The following PRKAA2 variants were observed in gnomAD, a reference collection of about 807,000 sequenced individuals.
PRKAA2 encodes protein kinase AMP-activated catalytic subunit alpha 2.
PRKAA2 carries 40 observed loss-of-function variants against 56.3 expected under a neutral mutation model. That is an observed-to-expected ratio of 0.71 (90% confidence interval 0.55 to 0.92). The LOEUF (loss-of-function observed/expected upper bound fraction) is 0.92. Among genes scored for constraint, PRKAA2 ranks in the 40% least tolerant of loss-of-function variants. The pLI, the probability that PRKAA2 is intolerant of heterozygous loss-of-function variation, is 0.00. For synonymous variants in PRKAA2, 214 were observed against 234.2 expected (o/e 0.91, Z 0.79); for missense variants, 542 against 686.9 (o/e 0.79, Z 2.36).
intron 1 of PRKAA2, among the ~76,000 whole-genome samples, chr1:56,648,538 CAT>C (rs1646662599): frequency 6.6e-6 from 1 of 152,132 alleles, no homozygotes; most frequent in South Asian, 2.1e-4. Context: ...TTTGTGTGGA[CAT>C]ATGTTTTCAT....
chr1:56,697,144 G>A (rs1644264043), intron 6 of PRKAA2, among the ~76,000 whole-genome samples: 2 of 150,518 alleles, frequency 1.3e-5, no homozygotes, highest in Admixed American at 6.7e-5. Context: ...CTCCTGAGTA[G>A]CTGGGACTAT....
At chr1:56,706,778 C>A (rs2100440406) in intron 8 of PRKAA2, among the ~76,000 whole-genome samples, 1 of 152,244 alleles carries the variant, frequency 6.6e-6, no homozygotes, top group East Asian at 1.9e-4. Context: ...TTCAGAGGCC[C>A]AAGTGGGATA....
At chr1:56,664,402 G>A (rs1256517160) in intron 1 of PRKAA2, among the ~76,000 whole-genome samples, 2 of 151,864 alleles carry the variant, frequency 1.3e-5, no homozygotes, top group African/African-American at 4.8e-5. Context: ...TCCATGCATA[G>A]TTTTTTCATA....
Position 56,704,246 on chromosome 1 carries a change from G to A in PRKAA2, c.1064G>A (p.Ser355Asn), listed in dbSNP as rs565908999. 6 of 1,614,106 alleles carry A rather than the reference G, an allele frequency of 3.7e-6. No individual in the cohort carries two copies. The highest frequency in any genetic ancestry group is 2.2e-5 in the East Asian group (1 of 44,874). ...CCATCTGGTTCTTTTATGGATGATA[G>A]TGCCATGCATATTCCCCCAGGCCTG... Reference protein sequence around the residue: ...SPPSGSFMDDSAMHIPPGLKP... With the variant: ...SPPSGSFMDDNAMHIPPGLKP... Residue 355 changes from serine to asparagine, a missense_variant, in exon 7 of 9, where the codon AGT becomes AAT. By Grantham distance (46) the Ser-to-Asn change is conservative (BLOSUM62 1). Around this residue, in one of 5 missense-constraint regions of PRKAA2, gnomAD observed 198 missense variants for 234.0 expected, o/e 0.85. Coordinates refer to ENST00000371244, the MANE Select transcript of PRKAA2 (RefSeq NM_006252.4).
At chr1:56,705,600 AT>A (rs1644326392) in intron 7 of PRKAA2, among the ~76,000 whole-genome samples, 1 of 151,694 alleles carries the variant, frequency 6.6e-6, no homozygotes, top group Non-Finnish European at 1.5e-5. Context: ...GGGTTTCACC[AT>A]GTTGCCCAGG....
intron 1 of PRKAA2, among the ~76,000 whole-genome samples, chr1:56,654,872 TA>T (rs768483310): frequency 1.6e-4 from 24 of 152,248 alleles, no homozygotes; most frequent in Non-Finnish European, 2.4e-4. Context: ...AAAATATTCA[TA>T]ATTCTCTTTT....
At chr1:56,649,818 G>A (rs115626353) in intron 1 of PRKAA2, among the ~76,000 whole-genome samples, 2,394 of 152,266 alleles carry the variant, frequency 0.016, 34 homozygotes, top group Non-Finnish European at 0.023. Context: ...TTTTAGGCCA[G>A]GCACGGCGGC....
rs560153903 is a variant in PRKAA2 at position 56,649,646 on chromosome 1, T to A, written c.94+4165T>A. ...CTCTCTTGACTTTTTTCCTTTTTCT[T>A]ATTTGTTTATTAATTAGTTTTTTTT... On this transcript the variant is annotated intron_variant, in intron 1 of 8. Coordinates refer to ENST00000371244, the MANE Select transcript of PRKAA2 (RefSeq NM_006252.4). Among the ~76,000 whole-genome samples, 3 of 152,324 alleles carry A rather than the reference T, an allele frequency of 2.0e-5. No individual in the cohort carries two copies. The South Asian group carries it at 6.2e-4, about 32-fold the overall frequency.
At chr1:56,684,236 G>C (rs1557554939) in intron 2 of PRKAA2, among the ~76,000 whole-genome samples, 1 of 152,186 alleles carries the variant, frequency 6.6e-6, no homozygotes, top group East Asian at 1.9e-4. Context: ...ACAGGTTTGA[G>C]GTGGGATGTT....
Position 56,709,197 on chromosome 1 carries a change from C to G in PRKAA2, c.*1484C>G, listed in dbSNP as rs764839931. ...ATTACCTTGACAGGCTTCTCTTTGC[C>G]AAAAGTAATGTATGTTCTGCCAAGA... On this transcript the variant is annotated 3_prime_UTR_variant, in exon 9 of 9. Coordinates refer to ENST00000371244, the MANE Select transcript of PRKAA2 (RefSeq NM_006252.4). 2.0e-5 allele frequency: 3 copies of G among 152,014 alleles called. No individual in the cohort carries two copies. Among genetic ancestry groups the G allele is most frequent in the African/African-American group, 7.2e-5 (3 of 41,398 alleles). 9.4% of individuals were successfully genotyped at this position (152,014 alleles called of 1,614,324 possible). A position where few individuals can be genotyped will look rare whatever the true frequency, so the allele number is the denominator to read the frequency against.
chr1:56,646,343 G>C (rs1305989914), intron 1 of PRKAA2, among the ~76,000 whole-genome samples: 3 of 152,148 alleles, frequency 2.0e-5, no homozygotes, highest in African/African-American at 7.2e-5. Context: ...AAGTTTCCTT[G>C]GTGTTTGGAG....
chr1:56,683,875 T>G (rs1644173142), intron 2 of PRKAA2, among the ~76,000 whole-genome samples: 2 of 152,128 alleles, frequency 1.3e-5, no homozygotes. Flanking sequence ...CTTTGGCTTT[T>G]ACTCTTGTCT....
At chr1:56,700,520 C>G (rs1309694854) in intron 6 of PRKAA2, among the ~76,000 whole-genome samples, 1 of 152,186 alleles carries the variant, frequency 6.6e-6, no homozygotes, top group Non-Finnish European at 1.5e-5. Context: ...AAAGACCCCT[C>G]TGGAAATTGT....
chr1:56,715,288 C>CT lies in PRKAA2; in HGVS notation c.*7581dup, dbSNP rs1304209249. On this transcript the variant is annotated 3_prime_UTR_variant, in exon 9 of 9. Transcript: ENST00000371244. The stretch of plus-strand genomic sequence containing the variant: ...AGCAGCCTGTCTGATTGCTTATAAG[C>CT]TTTTTTCACAAAATCAAATTAAAAG... The CT allele has an allele frequency of 1.3e-5, 2 of 152,090 alleles. No homozygotes were observed. The highest frequency in any genetic ancestry group is 2.9e-5 in the Non-Finnish European group (2 of 68,020). The allele number at this position is 152,090 out of a possible 1,614,324, so 9.4% of individuals were successfully genotyped here. A position where few individuals can be genotyped will look rare whatever the true frequency, so the allele number is the denominator to read the frequency against.
intron 5 of PRKAA2, 34 bp downstream of exon 5, chr1:56,693,886 C>T: frequency 7.2e-7 from 1 of 1,391,848 alleles, no homozygotes; most frequent in Non-Finnish European, 1.0e-6. Context: ...TTTTTGTAAT[C>T]TTGTGTTCAT....
At chr1:56,651,025 C>T (rs998412727) in intron 1 of PRKAA2, among the ~76,000 whole-genome samples, 7 of 152,172 alleles carry the variant, frequency 4.6e-5, no homozygotes, top group African/African-American at 1.7e-4. Context: ...GTATTTTGGT[C>T]CCTTGCTTGA....
intron 6 of PRKAA2, among the ~76,000 whole-genome samples, chr1:56,700,262 C>T (rs1644285538): frequency 6.6e-6 from 1 of 152,112 alleles, no homozygotes; most frequent in African/African-American, 2.4e-5. Context: ...ATAACAATTT[C>T]CTTAAATGCC....
intron 2 of PRKAA2, among the ~76,000 whole-genome samples, chr1:56,690,149 A>T (rs560033223): frequency 6.6e-6 from 1 of 151,176 alleles, no homozygotes; most frequent in South Asian, 2.1e-4. Context: ...TAACATAAGC[A>T]TAGTATCATC....
chr1:56,692,359 T>C lies in PRKAA2; in HGVS notation c.332T>C (p.Val111Ala), dbSNP rs780575560. The part of the protein sequence containing the change: ...LFDYICKHGR[V>A]EEMEARRLFQ... ...TGCAGTTTCTTTTGTGCTTGATAGG[T>C]TGAAGAGATGGAAGCCAGGCGGCTC... is the stretch of plus-strand genomic sequence containing the variant. The change falls in exon 4 of 9, where the codon GTT becomes GCT. Residue 111 changes from valine (V) to alanine (A), a missense_variant and splice_region_variant. By Grantham distance (64) the Val-to-Ala change is moderately conservative (BLOSUM62 0). Coordinates refer to ENST00000371244, the MANE Select transcript of PRKAA2 (RefSeq NM_006252.4). 1.6e-5 allele frequency: 26 copies of C among 1,613,888 alleles called. No homozygotes were observed. The highest frequency in any genetic ancestry group is 2.2e-5 in the Non-Finnish European group (26 of 1,179,922).
Sources: gnomAD v4.1 joint callset for allele counts (sites outside exome capture counted in the v4.1 genomes callset) on GRCh38, gnomAD v4.1.1 for gene constraint, gnomAD v4.1.1 regional missense constraint, MANE v1.5 for transcripts, NCBI Gene and HGNC (gene_info 2026-07-23, HGNC 2026-07-21) for gene names.